Variants in CSMD3 observed in about 807,000 individuals in gnomAD.
CSMD3 encodes the protein CUB and sushi domain-containing protein 3.
Under a neutral mutation model 435.2 loss-of-function variants are expected in CSMD3, and 177 were observed. The observed-to-expected ratio is 0.41, with a 90% CI of 0.36 to 0.46. The LOEUF (loss-of-function observed/expected upper bound fraction) is 0.46, where lower values mean the gene tolerates loss of function less well. Ranked by LOEUF, CSMD3 falls within the 20% of genes least tolerant of loss-of-function variation. The pLI, the probability that CSMD3 is intolerant of heterozygous loss-of-function variation, is 0.34. For synonymous variants in CSMD3, 1,656 were observed against 1,520.5 expected (o/e 1.09, Z -2.07); for missense variants, 4,265 against 4,504.6 (o/e 0.95, Z 1.52).
At chr8:113,107,780 C>T (rs1373789278) in intron 4 of CSMD3, among the ~76,000 whole-genome samples, 1 of 152,136 alleles carries the variant, frequency 6.6e-6, no homozygotes, top group Non-Finnish European at 1.5e-5. Flanking sequence ...GGCAGAGTCT[C>T]TTTTCTACTT....
intron 13 of CSMD3, among the ~76,000 whole-genome samples, chr8:112,703,844 G>C (rs72678466): frequency 0.011 from 1,736 of 152,170 alleles, 21 homozygotes; most frequent in Non-Finnish European, 0.014. Context: ...TATTTAGAGA[G>C]GTTTTGAGGA....
At chr8:112,976,974 T>G (rs1458798442) in intron 6 of CSMD3, among the ~76,000 whole-genome samples, 3 of 152,060 alleles carry the variant, frequency 2.0e-5, no homozygotes, top group African/African-American at 7.2e-5. Flanking sequence ...TGCGCATGTG[T>G]GTGTGTATAA....
chr8:112,447,208 GGT>G (rs1222301935), intron 32 of CSMD3, among the ~76,000 whole-genome samples: 1 of 151,742 alleles, frequency 6.6e-6, no homozygotes, highest in Non-Finnish European at 1.5e-5. Context: ...TGATATGTCA[GGT>G]ATTTTTCTGC....
At chr8:113,315,229 A>G (rs1450627323) in intron 1 of CSMD3, among the ~76,000 whole-genome samples, 1 of 152,176 alleles carries the variant, frequency 6.6e-6, no homozygotes, top group Non-Finnish European at 1.5e-5. Context: ...TTGGCAACAC[A>G]TGCTAGCTTT....
intron 5 of CSMD3, among the ~76,000 whole-genome samples, chr8:113,024,546 T>C (rs945100735): frequency 2.0e-5 from 3 of 152,188 alleles, no homozygotes; most frequent in Admixed American, 6.5e-5. Flanking sequence ...TTTTTAATAA[T>C]GGTTTTACTA....
At chr8:112,901,347 G>A (rs1350933228) in intron 10 of CSMD3, among the ~76,000 whole-genome samples, 1 of 151,156 alleles carries the variant, frequency 6.6e-6, no homozygotes, top group Admixed American at 6.6e-5. Flanking sequence ...CTGCTACAGT[G>A]GTGCTTTGGC....
At chr8:113,042,168 T>C (rs1036517312) in intron 5 of CSMD3, among the ~76,000 whole-genome samples, 1 of 152,206 alleles carries the variant, frequency 6.6e-6, no homozygotes, top group Non-Finnish European at 1.5e-5. Flanking sequence ...GCATTTGTTT[T>C]CAAACTTGTT....
At chr8:112,324,721 T>G (rs761452831) in intron 45 of CSMD3, among the ~76,000 whole-genome samples, 1 of 152,114 alleles carries the variant, frequency 6.6e-6, no homozygotes, top group South Asian at 2.1e-4. Context: ...TATTTTAAGC[T>G]GAGACCAATG....
At chr8:113,180,462 A>T (rs957386150) in intron 3 of CSMD3, among the ~76,000 whole-genome samples, 1 of 151,968 alleles carries the variant, frequency 6.6e-6, no homozygotes, top group Non-Finnish European at 1.5e-5. Flanking sequence ...AGTACATAAA[A>T]CTGAATGAAA....
At chr8:112,940,819 CTA>C (rs1379909701) in intron 9 of CSMD3, among the ~76,000 whole-genome samples, 1 of 151,778 alleles carries the variant, frequency 6.6e-6, no homozygotes, top group Non-Finnish European at 1.5e-5. Context: ...CAACTGGTAT[CTA>C]TAAGCCATTT....
intron 22 of CSMD3, among the ~76,000 whole-genome samples, chr8:112,602,474 G>A (rs1042261041): frequency 1.1e-4 from 17 of 151,308 alleles, no homozygotes; most frequent in African/African-American, 4.1e-4. Context: ...GCTGAGGCAG[G>A]AGAGTCATTT....
At chr8:113,300,162 C>CAAAAAAAA in intron 2 of CSMD3, among the ~76,000 whole-genome samples, 1 of 116,598 alleles carries the variant, frequency 8.6e-6, no homozygotes, top group Non-Finnish European at 1.7e-5. Context: ...TCAAAAAAGT[C>CAAAAAAAA]AAAAAAAAAA....
chr8:113,205,893 A>G (rs1224916598), intron 3 of CSMD3, among the ~76,000 whole-genome samples: 2 of 152,186 alleles, frequency 1.3e-5, no homozygotes, highest in African/African-American at 2.4e-5. Context: ...ACGTTTGTTC[A>G]GGTTAGATGT....
At chr8:112,866,252 C>A (rs1489533582) in intron 10 of CSMD3, among the ~76,000 whole-genome samples, 1 of 152,050 alleles carries the variant, frequency 6.6e-6, no homozygotes, top group Admixed American at 6.6e-5. Flanking sequence ...TTCATATTTC[C>A]ACTTGAGCAA....
At chr8:113,146,390 T>C (rs1210155849) in intron 4 of CSMD3, among the ~76,000 whole-genome samples, 1 of 151,510 alleles carries the variant, frequency 6.6e-6, no homozygotes, top group Non-Finnish European at 1.5e-5. Context: ...AGAGTATCAG[T>C]GACACAACAA....
At chr8:112,237,459 T>C in intron 66 of CSMD3, 111 bp from the exon 67 acceptor site, 1 of 780,034 alleles carries the variant, frequency 1.3e-6, no homozygotes, top group East Asian at 2.7e-5. Flanking sequence ...TACACAATAA[T>C]GTTGAATGTG....
At chr8:112,893,155 G>A (rs1357643100) in intron 10 of CSMD3, among the ~76,000 whole-genome samples, 1 of 150,812 alleles carries the variant, frequency 6.6e-6, no homozygotes, top group Non-Finnish European at 1.5e-5. Flanking sequence ...TTAATAATTG[G>A]GTTTTTACTA....
At chr8:112,346,047 C>T (rs771765794) in intron 41 of CSMD3, 50 bp downstream of exon 41, 6 of 979,044 alleles carry the variant, frequency 6.1e-6, no homozygotes, top group South Asian at 5.1e-5. Flanking sequence ...TATTTTAAGG[C>T]TACATTAATA....
At chr8:112,385,047 T>C (rs376219112) in intron 36 of CSMD3, among the ~76,000 whole-genome samples, 41 of 152,276 alleles carry the variant, frequency 2.7e-4, no homozygotes, top group Admixed American at 1.6e-3. Flanking sequence ...TAGTGGACCA[T>C]GAGTAATCTT....
Sources: gnomAD v4.1 joint callset for allele counts (sites outside exome capture counted in the v4.1 genomes callset) on GRCh38, gnomAD v4.1.1 for gene constraint, MANE v1.5 for transcripts, NCBI Gene and HGNC (gene_info 2026-07-23, HGNC 2026-07-21) for gene names.